TUBB3: variants seen among roughly 807,000 people sequenced by gnomAD.
TUBB3 encodes the protein tubulin beta 3 class III.
In TUBB3, 17 loss-of-function variants were observed where a neutral mutation model predicts 37.8. The ratio of observed to expected loss-of-function variants is 0.45; its 90% CI spans 0.31 to 0.67. TUBB3 has a LOEUF of 0.67. Ranked by LOEUF, TUBB3 falls within the 30% of genes least tolerant of loss-of-function variation. TUBB3 has a pLI of 0.07. For synonymous variants in TUBB3, 332 were observed against 278.9 expected, an observed-to-expected ratio of 1.19 and a Z score of -1.90; for missense variants, 262 against 657.9, an observed-to-expected ratio of 0.40 and a Z score of 6.58.
chr16:89,932,969 C>T, intron 2 of TUBB3: 2 of 526,244 alleles, frequency 3.8e-6, no homozygotes, highest in Non-Finnish European at 6.9e-6. Context: ...CTTTGGAGGC[C>T]ATAAGAGGGC....
intron 3 of TUBB3, 89 bp from the exon 4 acceptor site, chr16:89,934,640 G>A (rs565810566): frequency 2.2e-5 from 29 of 1,326,520 alleles, no homozygotes; most frequent in Middle Eastern, 1.8e-4. Context: ...GGGCTGCCAC[G>A]GCTGCCCTTG....
Position 89,934,633 on chromosome 16 carries a change from C to A in TUBB3, c.278-96C>A, listed in dbSNP as rs1432346901. 8 of 1,224,474 alleles carry A rather than the reference C, an allele frequency of 6.5e-6. No homozygotes were observed. In the East Asian group the frequency reaches 1.5e-4, roughly 23 times the overall value. 75.9% of individuals were successfully genotyped at this position (1,224,474 alleles called of 1,614,324 possible). A position where few individuals can be genotyped will look rare whatever the true frequency, so the allele number is the denominator to read the frequency against. ...TACAGAAGACAGAACAGGCATGGGGCTGCCACGGCTGCCCTTGGGATGTTC... is the reference window on the plus strand; with the variant it reads ...TACAGAAGACAGAACAGGCATGGGGATGCCACGGCTGCCCTTGGGATGTTC... On this transcript the variant is annotated intron_variant, in intron 3 of 3. Transcript: ENST00000315491.
rs547306662 is a variant in TUBB3 at position 89,934,639 on chromosome 16, C to T, written c.278-90C>T. ...AGACAGAACAGGCATGGGGCTGCCA[C>T]GGCTGCCCTTGGGATGTTCAGGCAG... is the stretch of plus-strand genomic sequence containing the variant. On this transcript the variant is annotated intron_variant, in intron 3 of 3. Transcript: ENST00000315491. The T allele has an allele frequency of 9.8e-5, 128 of 1,303,654 alleles. 1 individual carries two copies. The South Asian group carries it at 1.2e-3, about 12-fold the overall frequency. 80.8% of individuals were successfully genotyped at this position (1,303,654 alleles called of 1,614,324 possible). A position where few individuals can be genotyped will look rare whatever the true frequency, so the allele number is the denominator to read the frequency against.
At chr16:89,934,599 G>A (rs1313614196) in intron 3 of TUBB3, 130 bp from the exon 4 acceptor site, 1 of 910,864 alleles carries the variant, frequency 1.1e-6, no homozygotes, top group African/African-American at 1.7e-5. Context: ...TGCTCAGTGG[G>A]GCCTACTTTA....
rs1229540455 is a variant in TUBB3, at chr16:89,934,813, G to A, written c.362G>A (p.Arg121Gln). The A allele has an allele frequency of 1.2e-6, 2 of 1,614,060 alleles. No individual in the cohort carries two copies. The highest frequency in any genetic ancestry group is 1.3e-5 in the African/African-American group (1 of 74,924). ...ELVDSVLDVV[R>Q]KECENCDCLQ... ...GTGGATTCGGTCCTGGATGTGGTGC[G>A]GAAGGAGTGTGAAAACTGCGACTGC... The change falls in exon 4 of 4, where the codon CGG becomes CAG. Residue 121 changes from arginine (R) to glutamine (Q), a missense_variant. Arg to Gln is a conservative substitution (Grantham distance 43). This residue lies in a region of TUBB3 where 165 missense variants were observed against 556.8 expected (regional missense o/e 0.30). Transcript: ENST00000315491.
At chr16:89,930,846 G>A (rs1172372580) in intron 1 of TUBB3, among the ~76,000 whole-genome samples, 3 of 128,754 alleles carry the variant, frequency 2.3e-5, no homozygotes, top group Admixed American at 1.6e-4. Context: ...TTTTTTTTTT[G>A]AGATGGTGTC....
intron 1 of TUBB3, chr16:89,932,086 C>T: frequency 3.4e-6 from 1 of 297,354 alleles, no homozygotes; most frequent in Admixed American, 4.5e-5. Context: ...GGTTTGCTCT[C>T]CCATGGAGGG....
Position 89,935,732 on chromosome 16 carries a change from C to G in TUBB3, c.1281C>G (p.Asp427Glu). Residue 427 changes from aspartate to glutamate, a missense_variant, in exon 4 of 4, where the codon GAC (aspartate) becomes GAG (glutamate). Asp to Glu is a conservative substitution (Grantham distance 45). Coordinates refer to ENST00000315491, the MANE Select transcript of TUBB3 (RefSeq NM_006086.4). ...DLVSEYQQYQ[D>E]ATAEEEGEMY... is the part of the protein sequence containing the mutation. ...TGTCCGAGTACCAGCAGTACCAGGACGCCACGGCCGAGGAAGAGGGCGAGA... is the reference window on the plus strand; with the variant it reads ...TGTCCGAGTACCAGCAGTACCAGGAGGCCACGGCCGAGGAAGAGGGCGAGA... 1.2e-6 allele frequency: 2 copies of G among 1,613,924 alleles called. No homozygotes were observed. The highest frequency in any genetic ancestry group is 1.7e-6 in the Non-Finnish European group (2 of 1,179,948).
At chr16:89,926,753 T>G (rs28705737) in intron 1 of TUBB3, among the ~76,000 whole-genome samples, 1 of 151,996 alleles carries the variant, frequency 6.6e-6, no homozygotes, top group African/African-American at 2.4e-5. Flanking sequence ...GTTTGGCTCT[T>G]GTTGCCCAGG....
chr16:89,922,978 A>G (rs1296529137), upstream of TUBB3, among the ~76,000 whole-genome samples: 1 of 152,240 alleles, frequency 6.6e-6, no homozygotes, highest in Non-Finnish European at 1.5e-5. Flanking sequence ...CCCTCCGTAC[A>G]AAGCCGCAGG....
intron 1 of TUBB3, 35 bp downstream of exon 1, chr16:89,923,493 G>T (rs1233440598): frequency 1.4e-6 from 2 of 1,406,962 alleles, no homozygotes; most frequent in South Asian, 1.5e-5. Context: ...CCCGGGCCCC[G>T]GGGCGGGAGG....
At chr16:89,932,442 A>G (rs910349425) in intron 1 of TUBB3, 129 bp from the exon 2 acceptor site, 1 of 734,744 alleles carries the variant, frequency 1.4e-6, no homozygotes, top group Admixed American at 2.0e-5. Context: ...TCTCTTCTGA[A>G]TGGGGCTCGT....
At chr16:89,932,454 G>T in intron 1 of TUBB3, 117 bp from the exon 2 acceptor site, 2 of 786,948 alleles carry the variant, frequency 2.5e-6, no homozygotes, top group East Asian at 2.6e-5. Flanking sequence ...GGGGCTCGTG[G>T]AGGCCGTGGG....
At chr16:89,927,008 C>T (rs1396902460) in intron 1 of TUBB3, among the ~76,000 whole-genome samples, 4 of 152,012 alleles carry the variant, frequency 2.6e-5, no homozygotes, top group Non-Finnish European at 5.9e-5. Flanking sequence ...TGAGCCACCA[C>T]GCCGGGCCGA....
At chr16:89,933,808 G>T (rs1378088802) in intron 3 of TUBB3, 1 of 701,348 alleles carries the variant, frequency 1.4e-6, no homozygotes, top group Admixed American at 2.0e-5. Flanking sequence ...GTGTAAAGCA[G>T]ACAGAAGCTT....
Position 89,935,907 on chromosome 16 carries a change from C to T in TUBB3, c.*103C>T, listed in dbSNP as rs2030442464. ...TGCTGCCGACACCCTGCTTTCCCCTCGCCCTAGGGCTCCCTTGCCGCCCTC... is the reference window on the plus strand; with the variant it reads ...TGCTGCCGACACCCTGCTTTCCCCTTGCCCTAGGGCTCCCTTGCCGCCCTC... On this transcript the variant is annotated 3_prime_UTR_variant, in exon 4 of 4. Transcript: ENST00000315491. The T allele has an allele frequency of 1.4e-5, 20 of 1,419,894 alleles. No homozygotes were observed. Among genetic ancestry groups the T allele is most frequent in the South Asian group, 1.4e-4 (10 of 72,138 alleles). The allele number at this position is 1,419,894 out of a possible 1,614,324, so 88.0% of individuals were successfully genotyped here.
At chr16:89,922,263 C>T (rs1262409305), upstream of TUBB3, 1 of 152,468 alleles carries the variant, frequency 6.6e-6, no homozygotes, top group Non-Finnish European at 1.5e-5. Flanking sequence ...CGCAGCTGCT[C>T]ATTTTGTGAA....
chr16:89,932,884 G>C lies in TUBB3; in HGVS notation c.166+205G>C, dbSNP rs924433650. The C allele has an allele frequency of 4.9e-6, 3 of 618,322 alleles. No individual in the cohort carries two copies. The African/African-American group carries it at 5.5e-5, about 11-fold the overall frequency. The allele number at this position is 618,322 out of a possible 1,614,324, so 38.3% of individuals were successfully genotyped here. A position where few individuals can be genotyped will look rare whatever the true frequency, so the allele number is the denominator to read the frequency against. ...GACAATAAATCACAGTCACAAAAGT[G>C]AGAGCCAAACATATTAGTGCCATGA... On this transcript the variant is annotated intron_variant, in intron 2 of 3. Transcript: ENST00000315491.
intron 2 of TUBB3, chr16:89,933,250 G>A (rs1260684417): frequency 4.3e-6 from 3 of 697,922 alleles, no homozygotes; most frequent in Middle Eastern, 2.3e-4. Flanking sequence ...AATCCTGCCT[G>A]TCCTGCTCCG....
Sources: gnomAD v4.1 joint callset for allele counts (sites outside exome capture counted in the v4.1 genomes callset) on GRCh38, gnomAD v4.1.1 for gene constraint, gnomAD v4.1.1 regional missense constraint, MANE v1.5 for transcripts, NCBI Gene and HGNC (gene_info 2026-07-23, HGNC 2026-07-21) for gene names.